The following MEIS1 variants were observed in gnomAD, a reference collection of about 807,000 sequenced individuals.
The protein encoded by MEIS1 is Meis homeobox 1, also known as homeobox protein Meis1.
A neutral mutation model predicts 50.8 loss-of-function variants in MEIS1; 5 were observed. The ratio of observed to expected loss-of-function variants is 0.10; its 90% CI spans 0.05 to 0.21. MEIS1 has a LOEUF of 0.21. Among genes scored for constraint, MEIS1 ranks in the 10% least tolerant of loss-of-function variants. The pLI, the probability that MEIS1 is intolerant of heterozygous loss-of-function variation, is 1.00. For synonymous variants in MEIS1, 176 were observed against 179.3 expected (o/e 0.98, Z 0.15); for missense variants, 318 against 517.3 (o/e 0.61, Z 3.74).
intron 7 of MEIS1, among the ~76,000 whole-genome samples, chr2:66,467,721 A>T (rs1033097116): frequency 6.6e-6 from 1 of 152,202 alleles, no homozygotes; most frequent in African/African-American, 2.4e-5. Context: ...TTTACACAAT[A>T]TATCTTTCCC....
In MEIS1 at chr2:66,441,166, T is replaced by C. The variant is rs552730750; in HGVS notation, c.433-248T>C. Among the ~76,000 whole-genome samples the C allele has an allele frequency of 3.9e-5, 6 of 151,934 alleles. No individual in the cohort carries two copies. In the East Asian group the frequency reaches 1.2e-3, roughly 29 times the overall value. ...GTGGGACTGAGAAAGGGGAGAGCCATGGGGGAGGAGAGTGTTTATGATCCT... is the reference window on the plus strand; with the variant it reads ...GTGGGACTGAGAAAGGGGAGAGCCACGGGGGAGGAGAGTGTTTATGATCCT... On this transcript the variant is annotated intron_variant, in intron 4 of 12. Coordinates refer to ENST00000272369, the MANE Select transcript of MEIS1 (RefSeq NM_002398.3).
intron 7 of MEIS1, among the ~76,000 whole-genome samples, chr2:66,495,453 C>G (rs1673378420): frequency 1.3e-5 from 2 of 152,014 alleles, no homozygotes; most frequent in South Asian, 4.2e-4. Context: ...ACTTATTGCC[C>G]CAAATATAAC....
rs1280357271 is a variant in MEIS1, at chr2:66,464,158, G to A, written c.680G>A (p.Gly227Glu). 4 of 1,606,796 alleles carry A rather than the reference G, an allele frequency of 2.5e-6. No homozygotes were observed. Among genetic ancestry groups the A allele is most frequent in the Non-Finnish European group, 3.4e-6 (4 of 1,176,834 alleles). ...HDDTASTRSG[G>E]TPGPSSGGHT... ...GACACGGCATCTACTCGTTCAGGAGGAACCCCAGGCCCTTCCAGCGGTGGC... is the reference window on the plus strand; with the variant it reads ...GACACGGCATCTACTCGTTCAGGAGAAACCCCAGGCCCTTCCAGCGGTGGC... The change falls in exon 7 of 13, where the codon GGA becomes GAA. Residue 227 changes from glycine to glutamate, a missense_variant. Physicochemically the swap from Gly to Glu is moderately conservative, Grantham distance 98. Transcript: ENST00000272369.
intron 8 of MEIS1, among the ~76,000 whole-genome samples, chr2:66,526,114 G>A (rs1475279870): frequency 6.6e-6 from 1 of 152,206 alleles, no homozygotes; most frequent in African/African-American, 2.4e-5. Context: ...CTGGAAGGAA[G>A]GTGAATTTGC....
Position 66,569,065 on chromosome 2 carries a change from T to A in MEIS1, c.1130T>A (p.Met377Lys). The change falls in exon 12 of 13, where the codon ATG becomes AAG. Residue 377 changes from methionine (M) to lysine (K), a missense_variant. Around this residue, in one of 6 missense-constraint regions of MEIS1, gnomAD observed 54 missense variants for 75.0 expected, o/e 0.72. Coordinates refer to ENST00000272369, the MANE Select transcript of MEIS1 (RefSeq NM_002398.3). Reference protein sequence around the residue: ...GIRAPGPMSGMGMNMGMEGQW... With the variant: ...GIRAPGPMSGKGMNMGMEGQW... The stretch of plus-strand genomic sequence containing the variant: ...TCCCTTCTAGGACCTATGAGTGGAA[T>A]GGGCATGAATATGGGCATGGAGGGG... The A allele has an allele frequency of 6.2e-7, 1 of 1,613,854 alleles. No individual in the cohort carries two copies. Among genetic ancestry groups the A allele is most frequent in the Non-Finnish European group, 8.5e-7 (1 of 1,179,814 alleles).
chr2:66,486,119 A>G (rs1418561143), intron 7 of MEIS1, among the ~76,000 whole-genome samples: 1 of 152,130 alleles, frequency 6.6e-6, no homozygotes, highest in South Asian at 2.1e-4. Flanking sequence ...CCATTTGTCT[A>G]TTTTGGCTTT....
At chr2:66,565,047 C>T (rs968003863) in intron 9 of MEIS1, among the ~76,000 whole-genome samples, 1 of 151,956 alleles carries the variant, frequency 6.6e-6, no homozygotes, top group African/African-American at 2.4e-5. Flanking sequence ...CAGAGGTTAC[C>T]TATGTACTTT....
intron 4 of MEIS1, chr2:66,440,821 G>C (rs1573119123): frequency 1.7e-6 from 1 of 573,470 alleles, no homozygotes; most frequent in East Asian, 2.9e-5. Context: ...GGGCGAGCCA[G>C]CGCGGGGAAA....
intron 6 of MEIS1, among the ~76,000 whole-genome samples, chr2:66,461,309 C>T (rs559479228): frequency 2.1e-4 from 32 of 152,172 alleles, no homozygotes; most frequent in African/African-American, 7.5e-4. Context: ...GGGGGGAGTT[C>T]GTTCTGATTA....
chr2:66,461,824 C>G (rs975790406), intron 6 of MEIS1: 8 of 468,426 alleles, frequency 1.7e-5, no homozygotes, highest in Non-Finnish European at 3.1e-5. Flanking sequence ...TCAGAATTTC[C>G]AGCAAGGAAA....
intron 7 of MEIS1, among the ~76,000 whole-genome samples, chr2:66,503,863 T>C (rs1321540905): frequency 6.8e-6 from 1 of 146,436 alleles, no homozygotes; most frequent in African/African-American, 2.5e-5. Flanking sequence ...TCCTGCCTCA[T>C]CCTCCCAAGT....
chr2:66,562,920 G>A (rs1218534289), intron 9 of MEIS1, among the ~76,000 whole-genome samples: 1 of 152,060 alleles, frequency 6.6e-6, no homozygotes, highest in African/African-American at 2.4e-5. Flanking sequence ...CCCTATGTTC[G>A]AATGTAAATG....
chr2:66,539,572 G>T (rs1376538597), intron 8 of MEIS1, among the ~76,000 whole-genome samples: 1 of 152,116 alleles, frequency 6.6e-6, no homozygotes, highest in Non-Finnish European at 1.5e-5. Context: ...TGTCCTTTCT[G>T]TGCTCAAGTT....
chr2:66,482,502 A>C (rs1343856488), intron 7 of MEIS1, among the ~76,000 whole-genome samples: 1 of 152,232 alleles, frequency 6.6e-6, no homozygotes, highest in African/African-American at 2.4e-5. Flanking sequence ...TATTTTTGAA[A>C]TGTGTCTACC....
chr2:66,443,175 C>G (rs80005864), intron 6 of MEIS1, 127 bp downstream of exon 6: 1 of 1,139,386 alleles, frequency 8.8e-7, no homozygotes, highest in Non-Finnish European at 1.2e-6. Context: ...ACATTTCCAT[C>G]GAAATGAAAA....
chr2:66,506,580 A>G (rs1319978198), intron 7 of MEIS1, among the ~76,000 whole-genome samples: 1 of 152,198 alleles, frequency 6.6e-6, no homozygotes, highest in African/African-American at 2.4e-5. Flanking sequence ...CTTTATTCTG[A>G]AGGCAAAGGG....
At chr2:66,503,110 TG>T (rs770688984) in intron 7 of MEIS1, among the ~76,000 whole-genome samples, 32 of 152,284 alleles carry the variant, frequency 2.1e-4, no homozygotes, top group Admixed American at 3.9e-4. Flanking sequence ...TTTAATCAGG[TG>T]ATTTGTTAGG....
intron 1 of MEIS1, 79 bp from the exon 2 acceptor site, chr2:66,437,658 T>C (rs1671833328): frequency 4.6e-6 from 6 of 1,302,058 alleles, no homozygotes; most frequent in East Asian, 4.8e-5. Flanking sequence ...ATTGACCTTA[T>C]ATAAGCTCGG....
chr2:66,505,979 G>A (rs1673676792), intron 7 of MEIS1, among the ~76,000 whole-genome samples: 1 of 152,196 alleles, frequency 6.6e-6, no homozygotes, highest in South Asian at 2.1e-4. Context: ...AAAAAGAAAT[G>A]TAAGGGATGA....
Sources: allele counts gnomAD v4.1 joint callset (sites outside exome capture counted in the v4.1 genomes callset), GRCh38; gene constraint gnomAD v4.1.1; regional missense constraint gnomAD v4.1.1; transcripts MANE v1.5; gene names NCBI Gene and HGNC (gene_info 2026-07-23, HGNC 2026-07-21).